Variants in FAM20C observed in about 807,000 individuals in gnomAD.
The protein encoded by FAM20C is FAM20C golgi associated secretory pathway kinase, also known as extracellular serine/threonine protein kinase FAM20C.
In FAM20C, 40 loss-of-function variants were observed where a neutral mutation model predicts 51.5. The observed-to-expected ratio is 0.78, with a 90% CI of 0.60 to 1.01. The LOEUF (loss-of-function observed/expected upper bound fraction) is 1.01, where lower values mean the gene tolerates loss of function less well. Among genes scored for constraint, FAM20C ranks in the 50% least tolerant of loss-of-function variants. The probability of loss-of-function intolerance (pLI) is 0.00; values close to 1 mark genes in which losing one functional copy is unlikely to be tolerated. For missense variants in FAM20C, 861 were observed against 844.7 expected (o/e 1.02, Z -0.24); for synonymous variants, 406 against 380.6 (o/e 1.07, Z -0.78).
At chr7:194,776 C>G (rs61627631) in intron 1 of FAM20C, among the ~76,000 whole-genome samples, 61,921 of 147,516 alleles carry the variant, frequency 0.42, 13,514 homozygotes, top group African/African-American at 0.54. Flanking sequence ...ATCCTAGCCC[C>G]CCACCCCGCC....
chr7:193,977 A>C, intron 1 of FAM20C, 173 bp downstream of exon 1: 3 of 1,040,274 alleles, frequency 2.9e-6, no homozygotes, highest in Non-Finnish European at 3.9e-6. Flanking sequence ...CTCCAGAATA[A>C]CCTCCTCCTT....
intron 3 of FAM20C, among the ~76,000 whole-genome samples, chr7:235,760 G>C (rs1787830503): frequency 6.6e-6 from 1 of 152,164 alleles, no homozygotes; most frequent in Non-Finnish European, 1.5e-5. Context: ...TGGTGGACGG[G>C]GCTGCCCACC....
intron 2 of FAM20C, among the ~76,000 whole-genome samples, chr7:204,647 G>A (rs1250349450): frequency 2.6e-5 from 4 of 152,232 alleles, no homozygotes; most frequent in Admixed American, 6.5e-5. Context: ...GAAGAGACAC[G>A]GCACTCGCGT....
chr7:195,804 T>A (rs1196005545), intron 2 of FAM20C, 72 bp downstream of exon 2: 3 of 1,413,938 alleles, frequency 2.1e-6, no homozygotes, highest in Non-Finnish European at 2.8e-6. Context: ...TGGGGCAGGC[T>A]ATGTGTTAGA....
rs527843022 is a variant in FAM20C at position 248,392 on chromosome 7, G to A, written c.1034G>A (p.Arg345Gln). 2.0e-5 allele frequency: 31 copies of A among 1,537,128 alleles called. No individual in the cohort carries two copies. The highest frequency in any genetic ancestry group is 1.8e-4 in the South Asian group (15 of 84,064). Residue 345 changes from arginine to glutamine, a missense_variant, in exon 5 of 10, where the codon CGG (arginine) becomes CAG (glutamine). Arg to Gln is a conservative substitution (Grantham distance 43). Coordinates refer to ENST00000313766, the MANE Select transcript of FAM20C (RefSeq NM_020223.4). ...NMTKEIRDVTRDKKLWRTFFI... is the reference protein window; with the variant it reads ...NMTKEIRDVTQDKKLWRTFFI... ...ACCAAGGAGATCCGGGACGTCACAC[G>A]GGACAAGAAGCTCTGGAGGACCTTC...
chr7:216,666 A>T (rs1786988740), intron 3 of FAM20C, among the ~76,000 whole-genome samples: 1 of 131,832 alleles, frequency 7.6e-6, no homozygotes, highest in African/African-American at 3.0e-5. Flanking sequence ...TGTGTGTGAG[A>T]GACAGAGTGT....
chr7:208,199 G>C (rs938419546), intron 2 of FAM20C, among the ~76,000 whole-genome samples: 5 of 91,696 alleles, frequency 5.5e-5, no homozygotes, highest in Non-Finnish European at 8.1e-5. Flanking sequence ...GGGTGTCTGT[G>C]GGTGTGTAAA....
chr7:232,161 C>G (rs1421200117), intron 3 of FAM20C, among the ~76,000 whole-genome samples: 1 of 152,230 alleles, frequency 6.6e-6, no homozygotes, highest in Non-Finnish European at 1.5e-5. Flanking sequence ...GACAGTGGCT[C>G]TTTGCTGACG....
intron 4 of FAM20C, among the ~76,000 whole-genome samples, chr7:247,330 G>T (rs566896548): frequency 2.0e-5 from 3 of 152,302 alleles, no homozygotes; most frequent in African/African-American, 7.2e-5. Context: ...GTGGATTGAA[G>T]GACCTTGCCC....
At chr7:234,196 AG>A (rs1364103827) in intron 3 of FAM20C, among the ~76,000 whole-genome samples, 8 of 152,246 alleles carry the variant, frequency 5.3e-5, no homozygotes, top group African/African-American at 1.9e-4. Context: ...CTCGGCCGCC[AG>A]GATTTCACCC....
At chr7:232,124 A>G (rs1787714608) in intron 3 of FAM20C, among the ~76,000 whole-genome samples, 1 of 152,190 alleles carries the variant, frequency 6.6e-6, no homozygotes, top group South Asian at 2.1e-4. Flanking sequence ...CCGCCGGCCC[A>G]GCTGGGTAGC....
chr7:234,897 AC>A (rs1787804703), intron 3 of FAM20C, among the ~76,000 whole-genome samples: 1 of 151,672 alleles, frequency 6.6e-6, no homozygotes, highest in African/African-American at 2.4e-5. Context: ...GGACCTCAGC[AC>A]CCCCTTTCCA....
intron 3 of FAM20C, among the ~76,000 whole-genome samples, chr7:220,627 C>A (rs1475464589): frequency 6.6e-6 from 1 of 152,184 alleles, no homozygotes; most frequent in African/African-American, 2.4e-5. Flanking sequence ...GAGCTGAGAC[C>A]TGAATGGCAT....
chr7:258,740 C>T, intron 9 of FAM20C, 35 bp downstream of exon 9: 1 of 1,524,610 alleles, frequency 6.6e-7, no homozygotes, highest in Non-Finnish European at 8.8e-7. Flanking sequence ...CCAGCTCCAC[C>T]CTCCTCCCTA....
intron 5 of FAM20C, among the ~76,000 whole-genome samples, chr7:255,202 C>T (rs368974092): frequency 2.6e-5 from 4 of 152,220 alleles, no homozygotes; most frequent in African/African-American, 7.2e-5. Context: ...GTGCACCCCC[C>T]GCCAGCAGCG....
At position 259,690 on chromosome 7, in the gene FAM20C, C is replaced by T. The variant is rs186185320; in HGVS notation, c.1506-41C>T. 8.8e-4 allele frequency: 1,328 copies of T among 1,509,738 alleles called. 21 individuals carry two copies. In the Admixed American group the frequency reaches 0.024, roughly 28 times the overall value. 93.5% of individuals were successfully genotyped at this position (1,509,738 alleles called of 1,614,324 possible). A position where few individuals can be genotyped will look rare whatever the true frequency, so the allele number is the denominator to read the frequency against. ...CTCGCTTTCCCGTGGGCAGGCATCT[C>T]CCCTGTCCCGTGCCAGGCCTGATGC... On this transcript the variant is annotated intron_variant, in intron 9 of 9. Transcript: ENST00000313766.
intron 3 of FAM20C, among the ~76,000 whole-genome samples, chr7:214,787 G>A (rs576503604): frequency 1.1e-4 from 17 of 152,302 alleles, no homozygotes; most frequent in African/African-American, 3.1e-4. Flanking sequence ...TCCGGTGGAC[G>A]CACCCAGCAG....
intron 2 of FAM20C, among the ~76,000 whole-genome samples, chr7:200,416 G>A (rs1786075604): frequency 6.6e-6 from 1 of 152,206 alleles, no homozygotes. Context: ...CCTGGAGGAG[G>A]CGGCAAATAG....
intron 2 of FAM20C, chr7:197,267 G>A (rs4916935): frequency 0.57 from 95,670 of 166,738 alleles, 28,474 homozygotes; most frequent in East Asian, 0.67. Flanking sequence ...CACAGTGCCC[G>A]ATCCTGAGGA....
Sources: gnomAD v4.1 joint callset for allele counts (sites outside exome capture counted in the v4.1 genomes callset) on GRCh38, gnomAD v4.1.1 for gene constraint, MANE v1.5 for transcripts, NCBI Gene and HGNC (gene_info 2026-07-23, HGNC 2026-07-21) for gene names.